Variants in EGR2 observed in about 807,000 individuals in gnomAD.
EGR2 encodes early growth response 2, also known as E3 SUMO-protein ligase EGR2.
In EGR2, 2 loss-of-function variants were observed where a neutral mutation model predicts 21.2. The observed-to-expected ratio is 0.09, with a 90% confidence interval of 0.04 to 0.30. The LOEUF (loss-of-function observed/expected upper bound fraction) is 0.30. Ranked by LOEUF, EGR2 falls within the 10% of genes least tolerant of loss-of-function variation. The probability of loss-of-function intolerance (pLI) is 1.00; values close to 1 mark genes in which losing one functional copy is unlikely to be tolerated. For synonymous variants in EGR2, 282 were observed against 258.2 expected, an observed-to-expected ratio of 1.09 and a Z score of -0.88; for missense variants, 458 against 630.2, an observed-to-expected ratio of 0.73 and a Z score of 2.93.
At chr10:62,817,246 G>A (rs760939459), upstream of EGR2, among the ~76,000 whole-genome samples, 32 of 152,094 alleles carry the variant, frequency 2.1e-4, no homozygotes, top group Non-Finnish European at 3.5e-4. The surrounding 1 kb of genome is among the most constrained non-coding windows in gnomAD (Gnocchi z 4.4). Flanking sequence ...GGTCGGCTGC[G>A]TGGGGGCGTC....
rs184558884 is a variant in EGR2, at chr10:62,814,282, C to G, written c.356G>C (p.Gly119Ala). ...TGGGGAAGTGACCCCTTGCAAGATG[C>G]CTGCACTCACAATATTGATTATGCC... The part of the protein sequence containing the change: ...PEGIINIVSA[G>A]ILQGVTSPAS... The change falls in exon 2 of 2, where the codon GGC (glycine) becomes GCC (alanine). Residue 119 changes from glycine to alanine, a missense_variant. By Grantham distance (60) the Gly-to-Ala change is moderately conservative (BLOSUM62 0). Around this residue, in one of 5 missense-constraint regions of EGR2, gnomAD observed 253 missense variants for 315.5 expected, o/e 0.80. Transcript: ENST00000242480. The surrounding 1 kb of genome is among the most constrained non-coding windows in gnomAD (Gnocchi z 4.8). The G allele has an allele frequency of 6.2e-7, 1 of 1,614,114 alleles. No individual in the cohort carries two copies.
upstream of EGR2, chr10:62,818,652 G>A (rs1458950180): frequency 2.4e-6 from 3 of 1,259,732 alleles, no homozygotes; most frequent in Non-Finnish European, 3.1e-6. Context: ...CGGGCCCTGA[G>A]TCCGAAAGAA....
In EGR2 at chr10:62,814,559, G is replaced by A; in HGVS notation, c.170-91C>T. 7.9e-7 allele frequency: 1 copy of A among 1,266,546 alleles called. No individual in the cohort carries two copies. Among genetic ancestry groups the A allele is most frequent in the Non-Finnish European group, 1.1e-6 (1 of 873,500 alleles). The allele number at this position is 1,266,546 out of a possible 1,614,324, so 78.5% of individuals were successfully genotyped here. ...CCCGCTCACATAGGTCCATTTCCAA[G>A]GCCGAGAGTCTCAGCACTGTAGAGC... On this transcript the variant is annotated intron_variant, in intron 1 of 1. Coordinates refer to ENST00000242480, the MANE Select transcript of EGR2 (RefSeq NM_000399.5). This position sits in a 1 kb window ranked among gnomAD's most constrained non-coding sequence, Gnocchi z 4.8.
rs151290032 is a variant in EGR2, at chr10:62,815,865, G to C, written c.165C>G (p.Ala55=). 28 of 1,613,868 alleles carry C rather than the reference G, an allele frequency of 1.7e-5. No homozygotes were observed. The highest frequency in any genetic ancestry group is 2.1e-5 in the Non-Finnish European group (25 of 1,179,890). Residue 55 remains alanine, a synonymous_variant, in exon 1 of 2, where the codon GCC becomes GCG. Coordinates refer to ENST00000242480, the MANE Select transcript of EGR2 (RefSeq NM_000399.5). ...CTGCGAAGACACGCGGCTTACCTCC[G>C]GCCACTCCGTTCATCTGGTCAAAGG... ...GGPFDQMNGV[A]GDGMINIDMT...
In EGR2 at chr10:62,813,868, C is replaced by T. The variant is rs780441708; in HGVS notation, c.770G>A (p.Arg257Gln). The T allele has an allele frequency of 1.2e-6, 2 of 1,614,122 alleles. No individual in the cohort carries two copies. The highest frequency in any genetic ancestry group is 1.1e-5 in the South Asian group (1 of 91,076). ...KPFPCPLDTL[R>Q]VPPPLTPLST... ...GAGTGGAGTGAGTGGAGGGGGCACC[C>T]GCAGGGTGTCCAGTGGGCAGGGAAA... Residue 257 changes from arginine (R) to glutamine (Q), a missense_variant, in exon 2 of 2, where the codon CGG becomes CAG. By Grantham distance (43) the Arg-to-Gln change is conservative (BLOSUM62 1). This residue lies in a region of EGR2 where 253 missense variants were observed against 315.5 expected (regional missense o/e 0.80). Transcript: ENST00000242480. This position sits in a 1 kb window ranked among gnomAD's most constrained non-coding sequence, Gnocchi z 5.7.
Position 62,813,896 on chromosome 10 carries a change from G to T in EGR2, c.742C>A (p.Pro248Thr). ...LHGTAGPDRK[P>T]FPCPLDTLRV... ...AGGGTGTCCAGTGGGCAGGGAAAGG[G>T]CTTACGGTCTGGGCCAGCTGTACCA... The change falls in exon 2 of 2, where the codon CCC becomes ACC. Residue 248 changes from proline to threonine, a missense_variant. Coordinates refer to ENST00000242480, the MANE Select transcript of EGR2 (RefSeq NM_000399.5). The surrounding 1 kb of genome is among the most constrained non-coding windows in gnomAD (Gnocchi z 5.7). 6.2e-7 allele frequency: 1 copy of T among 1,614,216 alleles called. No individual in the cohort carries two copies. Among genetic ancestry groups the T allele is most frequent in the Non-Finnish European group, 8.5e-7 (1 of 1,180,042 alleles).
Position 62,813,291 on chromosome 10 carries a change from A to G in EGR2, c.1347T>C (p.Pro449=), listed in dbSNP as rs1338141243. 2 of 1,573,826 alleles carry G rather than the reference A, an allele frequency of 1.3e-6. No individual in the cohort carries two copies. Among genetic ancestry groups the G allele is most frequent in the South Asian group, 2.4e-5 (2 of 83,534 alleles). The change falls in exon 2 of 2, where the codon CCT becomes CCC. Residue 449 remains proline (P), a synonymous_variant. Coordinates refer to ENST00000242480, the MANE Select transcript of EGR2 (RefSeq NM_000399.5). The surrounding 1 kb of genome is among the most constrained non-coding windows in gnomAD (Gnocchi z 5.7). ...STASCSGGVQ[P]GGTLCSSNSS... is the part of the protein sequence containing the mutation. The stretch of plus-strand genomic sequence containing the variant: ...TGTTACTGCTGCACAGGGTACCCCC[A>G]GGCTGCACGCCCCCAGAGCAGGAGG...
rs967096889 is a variant in EGR2, at chr10:62,813,709, T to C, written c.929A>G (p.Tyr310Cys). The C allele has an allele frequency of 1.2e-6, 2 of 1,612,368 alleles. No individual in the cohort carries two copies. The highest frequency in any genetic ancestry group is 1.7e-5 in the Admixed American group (1 of 59,988). The change falls in exon 2 of 2, where the codon TAT (tyrosine) becomes TGT (cysteine). Residue 310 changes from tyrosine (Y) to cysteine (C), a missense_variant. Coordinates refer to ENST00000242480, the MANE Select transcript of EGR2 (RefSeq NM_000399.5). The surrounding 1 kb of genome is among the most constrained non-coding windows in gnomAD (Gnocchi z 5.7). Reference protein sequence around the residue: ...AAAAAAAAAAYNPHHLPLRPI... With the variant: ...AAAAAAAAAACNPHHLPLRPI... ...CCGCAGTGGCAGGTGGTGTGGGTTA[T>C]AGGCGGCGGCGGCGGCGGCTGCTGC...
In EGR2 at chr10:62,813,466, G is replaced by A; in HGVS notation, c.1172C>T (p.Thr391Ile). The change falls in exon 2 of 2, where the codon ACC (threonine) becomes ATC (isoleucine). Residue 391 changes from threonine to isoleucine, a missense_variant. Thr to Ile is a moderately conservative substitution (Grantham distance 89). Transcript: ENST00000242480. The surrounding 1 kb of genome is among the most constrained non-coding windows in gnomAD (Gnocchi z 5.7). ...GGCGAAGGGCTTCTCACCGGTGTGG[G>A]TGCGGATATGGGTGGTGAGGTGGTC... ...RSDHLTTHIR[T>I]HTGEKPFACD... 1.2e-6 allele frequency: 2 copies of A among 1,614,200 alleles called. No homozygotes were observed. Among genetic ancestry groups the A allele is most frequent in the Non-Finnish European group, 1.7e-6 (2 of 1,180,050 alleles).
chr10:62,816,054 C>T lies in EGR2; in HGVS notation c.-25G>A. The T allele has an allele frequency of 6.2e-7, 1 of 1,614,004 alleles. No homozygotes were observed. The highest frequency in any genetic ancestry group is 8.5e-7 in the Non-Finnish European group (1 of 1,180,004). On this transcript the variant is annotated 5_prime_UTR_variant, in exon 1 of 2. Coordinates refer to ENST00000242480, the MANE Select transcript of EGR2 (RefSeq NM_000399.5). The stretch of plus-strand genomic sequence containing the variant: ...TTTGCTCCTCGCACAACCTGGAGAC[C>T]CAACTCCCTCGCTACCTGGAGTGTC...
upstream of EGR2, among the ~76,000 whole-genome samples, chr10:62,817,997 A>G (rs532124700): frequency 2.6e-5 from 4 of 152,088 alleles, no homozygotes; most frequent in Admixed American, 1.3e-4. The surrounding 1 kb of genome is among the most constrained non-coding windows in gnomAD (Gnocchi z 4.4). Context: ...TCCCGCTCCA[A>G]AGCCGCGGAG....
rs776156156 is a variant in EGR2, at chr10:62,814,428, C to G, written c.210G>C (p.Ser70=). 2.5e-6 allele frequency: 4 copies of G among 1,614,090 alleles called. No individual in the cohort carries two copies. Among genetic ancestry groups the G allele is most frequent in the Non-Finnish European group, 3.4e-6 (4 of 1,180,020 alleles). The part of the protein sequence containing the change: ...INIDMTGEKR[S]LDLPYPSSFA... ...AGCTGCTGGGATATGGGAGATCCAA[C>G]GACCTCTTCTCTCCAGTCATGTCAA... The change falls in exon 2 of 2, where the codon TCG becomes TCC. Residue 70 remains serine (S), a synonymous_variant. Coordinates refer to ENST00000242480, the MANE Select transcript of EGR2 (RefSeq NM_000399.5). The surrounding 1 kb of genome is among the most constrained non-coding windows in gnomAD (Gnocchi z 4.8).
At position 62,815,893 on chromosome 10, in the gene EGR2, C is replaced by A. The variant is rs115534601; in HGVS notation, c.137G>T (p.Gly46Val). ...VTIFPNAELG[G>V]PFDQMNGVAG... ...CACTCCGTTCATCTGGTCAAAGGGG[C>A]CTCCCAGTTCGGCATTGGGAAAGAT... The change falls in exon 1 of 2, where the codon GGC (glycine) becomes GTC (valine). Residue 46 changes from glycine (G) to valine (V), a missense_variant. Gly to Val is a moderately radical substitution (Grantham distance 109). Transcript: ENST00000242480. 2.5e-5 allele frequency: 40 copies of A among 1,614,114 alleles called. No homozygotes were observed. The African/African-American group carries it at 4.1e-4, about 17-fold the overall frequency.
upstream of EGR2, among the ~76,000 whole-genome samples, chr10:62,817,528 T>A (rs1261822023): frequency 6.6e-6 from 1 of 151,070 alleles, no homozygotes; most frequent in Non-Finnish European, 1.5e-5. The surrounding 1 kb of genome is among the most constrained non-coding windows in gnomAD (Gnocchi z 4.4). Flanking sequence ...AGCCACAGAA[T>A]CCCCCTGACC....
At chr10:62,816,484 GATTTGCAT>G (rs1842273331), upstream of EGR2, 1 of 632,104 alleles carries the variant, frequency 1.6e-6, no homozygotes, top group Non-Finnish European at 2.1e-6. Context: ...TCACATGGCT[GATTTGCAT>G]ACACGGGCTC....
chr10:62,814,592 A>T lies in EGR2; in HGVS notation c.170-124T>A. The stretch of plus-strand genomic sequence containing the variant: ...GTCTCAGCACTGTAGAGCTGTGGCA[A>T]AGTCCAAAAGGTGGGGAAATTGAGG... On this transcript the variant is annotated intron_variant, in intron 1 of 1. Coordinates refer to ENST00000242480, the MANE Select transcript of EGR2 (RefSeq NM_000399.5). The surrounding 1 kb of genome is among the most constrained non-coding windows in gnomAD (Gnocchi z 4.8). 2 of 970,048 alleles carry T rather than the reference A, an allele frequency of 2.1e-6. No homozygotes were observed. Among genetic ancestry groups the T allele is most frequent in the Non-Finnish European group, 3.2e-6 (2 of 622,136 alleles). The allele number at this position is 970,048 out of a possible 1,614,324, so 60.1% of individuals were successfully genotyped here.
At chr10:62,815,821 G>C (rs776104599) in intron 1 of EGR2, 40 bp downstream of exon 1, 63 of 1,611,964 alleles carry the variant, frequency 3.9e-5, no homozygotes, top group Non-Finnish European at 5.1e-5. Context: ...CACCACCTCC[G>C]GGCCGCGCAG....
At chr10:62,816,504 G>A (rs1226721005), upstream of EGR2, 6 of 473,464 alleles carry the variant, frequency 1.3e-5, no homozygotes, top group East Asian at 1.2e-4. Flanking sequence ...CACGGGCTCG[G>A]CCGCGCGGAC....
chr10:62,817,131 C>G (rs1838268671), upstream of EGR2, among the ~76,000 whole-genome samples: 1 of 152,148 alleles, frequency 6.6e-6, no homozygotes, highest in South Asian at 2.1e-4. This position sits in a 1 kb window ranked among gnomAD's most constrained non-coding sequence, Gnocchi z 4.4. Flanking sequence ...TGGGGAGCTT[C>G]GAGAGAAATC....
Sources: gnomAD v4.1 joint callset for allele counts (sites outside exome capture counted in the v4.1 genomes callset) on GRCh38, gnomAD v4.1.1 for gene constraint, gnomAD v4.1.1 regional missense constraint, Gnocchi (gnomAD v3.1) non-coding constraint, MANE v1.5 for transcripts, NCBI Gene and HGNC (gene_info 2026-07-23, HGNC 2026-07-21) for gene names.